ARID3B: variants seen among roughly 807,000 people sequenced by gnomAD.
ARID3B encodes the protein AT-rich interaction domain 3B, also known as AT-rich interactive domain-containing protein 3B.
ARID3B carries 10 observed loss-of-function variants against 51.9 expected under a neutral mutation model. The ratio of observed to expected loss-of-function variants is 0.19; its 90% CI spans 0.12 to 0.33. The LOEUF (loss-of-function observed/expected upper bound fraction) is 0.33. Among genes scored for constraint, ARID3B ranks in the 10% least tolerant of loss-of-function variants. The pLI is 1.00. For missense variants in ARID3B, 483 were observed against 716.3 expected (o/e 0.67, Z 3.72); for synonymous variants, 205 against 279.5 (o/e 0.73, Z 2.66).
At chr15:74,593,603 C>A (rs2061812340) in intron 8 of ARID3B, among the ~76,000 whole-genome samples, 1 of 133,542 alleles carries the variant, frequency 7.5e-6, no homozygotes, top group African/African-American at 2.6e-5. Context: ...GGCAAAGGAA[C>A]CCCAGTATAG....
intron 7 of ARID3B, among the ~76,000 whole-genome samples, chr15:74,592,930 G>C (rs1203083214): frequency 6.6e-6 from 1 of 152,236 alleles, no homozygotes; most frequent in African/African-American, 2.4e-5. Flanking sequence ...AGGTAGTTGA[G>C]GGGATGAACT....
chr15:74,560,283 T>G (rs767458023), intron 2 of ARID3B, among the ~76,000 whole-genome samples: 85 of 152,184 alleles, frequency 5.6e-4, no homozygotes, highest in Non-Finnish European at 1.0e-3. Flanking sequence ...AGTATTACTT[T>G]AAAATATTTT....
chr15:74,553,997 A>AT (rs955744293), intron 2 of ARID3B, among the ~76,000 whole-genome samples: 4 of 146,818 alleles, frequency 2.7e-5, no homozygotes, highest in Admixed American at 6.7e-5. Flanking sequence ...CTAATTTTGT[A>AT]TTTTTTTTGT....
chr15:74,559,918 G>C (rs952422354), intron 2 of ARID3B, among the ~76,000 whole-genome samples: 1 of 150,964 alleles, frequency 6.6e-6, no homozygotes, highest in Non-Finnish European at 1.5e-5. Flanking sequence ...TACAGGCTGG[G>C]TGCCGTGGCT....
rs758719943 is a variant in ARID3B at position 74,544,458 on chromosome 15, G to A, written c.522G>A (p.Pro174=). 9 of 1,614,000 alleles carry A rather than the reference G, an allele frequency of 5.6e-6. No homozygotes were observed. The highest frequency in any genetic ancestry group is 3.3e-5 in the South Asian group (3 of 91,066). Residue 174 remains proline (P), a synonymous_variant, in exon 2 of 9, where the codon CCG becomes CCA. Transcript: ENST00000346246. ...ASPSVSTAGQ[P]NWNLDEQLKQ... is the part of the protein sequence containing the mutation. ...CTTCTGTCTCCACAGCAGGACAGCC[G>A]AACTGGAATCTGGATGAGCAGCTCA...
Position 74,582,202 on chromosome 15 carries a change from C to G in ARID3B, c.698-7618C>G, listed in dbSNP as rs1256813459. Among the ~76,000 whole-genome samples, 3 of 151,360 alleles carry G rather than the reference C, an allele frequency of 2.0e-5. No homozygotes were observed. In the East Asian group the frequency reaches 5.8e-4, roughly 29 times the overall value. ...TTTTTTTTTGAGACAGAGTCTCACT[C>G]TGTCGCCCAGGCTGGAGTGCAGTGG... On this transcript the variant is annotated intron_variant, in intron 4 of 8. Transcript: ENST00000346246.
intron 4 of ARID3B, among the ~76,000 whole-genome samples, chr15:74,585,934 C>T (rs1442757036): frequency 6.6e-6 from 1 of 152,262 alleles, no homozygotes; most frequent in Non-Finnish European, 1.5e-5. Flanking sequence ...TCTAGAGAGC[C>T]CTCGGCATAG....
rs754135975 is a variant in ARID3B, at chr15:74,543,931, G to T, written c.-6G>T. 1.2e-6 allele frequency: 2 copies of T among 1,605,622 alleles called. No homozygotes were observed. Among genetic ancestry groups the T allele is most frequent in the South Asian group, 2.2e-5 (2 of 89,378 alleles). Reference sequence around the variant, plus strand: ...TGCCACTCTGTGGGTGAAGCTTGAGGCAAAAATGGAGCCACTTCAGCAGCA... The same window carrying T: ...TGCCACTCTGTGGGTGAAGCTTGAGTCAAAAATGGAGCCACTTCAGCAGCA... On this transcript the variant is annotated 5_prime_UTR_variant, in exon 2 of 9. Coordinates refer to ENST00000346246, the MANE Select transcript of ARID3B (RefSeq NM_006465.4).
chr15:74,576,064 C>T (rs1295100388), intron 4 of ARID3B, among the ~76,000 whole-genome samples: 1 of 152,126 alleles, frequency 6.6e-6, no homozygotes, highest in Non-Finnish European at 1.5e-5. Context: ...GCCTGGCTAA[C>T]TTTTTTGTTC....
At chr15:74,547,269 G>A (rs749636470) in intron 2 of ARID3B, among the ~76,000 whole-genome samples, 1 of 151,126 alleles carries the variant, frequency 6.6e-6, no homozygotes, top group South Asian at 2.1e-4. Flanking sequence ...AGTGATTTTC[G>A]TGCCTCACCC....
intron 2 of ARID3B, among the ~76,000 whole-genome samples, chr15:74,570,258 TG>T (rs1596257549): frequency 6.6e-6 from 1 of 152,108 alleles, no homozygotes; most frequent in East Asian, 1.9e-4. Flanking sequence ...TCTCCATGTG[TG>T]GAGCCGAGCG....
At chr15:74,587,670 G>A (rs1412506131) in intron 4 of ARID3B, among the ~76,000 whole-genome samples, 1 of 152,132 alleles carries the variant, frequency 6.6e-6, no homozygotes, top group African/African-American at 2.4e-5. Flanking sequence ...CCATGGGTGT[G>A]TTTGGGCAGA....
Position 74,544,474 on chromosome 15 carries a change from G to A in ARID3B, c.538G>A (p.Glu180Lys), listed in dbSNP as rs554192034. 1.1e-5 allele frequency: 18 copies of A among 1,613,828 alleles called. No individual in the cohort carries two copies. In the East Asian group the frequency reaches 2.9e-4, roughly 26 times the overall value. ...AGGACAGCCGAACTGGAATCTGGAT[G>A]AGCAGCTCAAGCAGGTCAGTCTTTC... is the stretch of plus-strand genomic sequence containing the variant. ...TAGQPNWNLDEQLKQNGGLAW... is the reference protein window; with the variant it reads ...TAGQPNWNLDKQLKQNGGLAW... Residue 180 changes from glutamate to lysine, a missense_variant, in exon 2 of 9, where the codon GAG (glutamate) becomes AAG (lysine). Coordinates refer to ENST00000346246, the MANE Select transcript of ARID3B (RefSeq NM_006465.4).
At position 74,597,912 on chromosome 15, in the gene ARID3B, TCCCCTGAAGGTGC is replaced by T. The variant is rs779618761; in HGVS notation, c.*2140_*2152del. On this transcript the variant is annotated 3_prime_UTR_variant, in exon 9 of 9. Transcript: ENST00000346246. ...GTGGGGCCTTGGCCCAAGCAGAGCT[TCCCCTGAAGGTGC>T]CATCAGCCAGGGCAGCTCTGTCCCC... 2 of 530,116 alleles carry T rather than the reference TCCCCTGAAGGTGC, an allele frequency of 3.8e-6. No homozygotes were observed. The highest frequency in any genetic ancestry group is 1.5e-5 in the South Asian group (1 of 65,122). The allele number at this position is 530,116 out of a possible 1,614,324, so 32.8% of individuals were successfully genotyped here.
At chr15:74,579,684 T>C (rs976091421) in intron 4 of ARID3B, among the ~76,000 whole-genome samples, 2 of 152,134 alleles carry the variant, frequency 1.3e-5, no homozygotes, top group Non-Finnish European at 2.9e-5. Context: ...GTGTAATATA[T>C]TTCCTCTTTT....
intron 2 of ARID3B, among the ~76,000 whole-genome samples, chr15:74,556,014 G>T (rs1042516345): frequency 3.3e-5 from 5 of 151,102 alleles, no homozygotes; most frequent in African/African-American, 4.9e-5. Context: ...GGATGGTCTC[G>T]ATCTCCTGAC....
At chr15:74,587,068 T>C (rs1005976829) in intron 4 of ARID3B, among the ~76,000 whole-genome samples, 2 of 152,226 alleles carry the variant, frequency 1.3e-5, no homozygotes, top group Admixed American at 6.5e-5. Context: ...ACATGTGATC[T>C]TCTAAGGGAG....
intron 2 of ARID3B, among the ~76,000 whole-genome samples, chr15:74,555,479 G>T (rs1223576467): frequency 6.6e-6 from 1 of 152,024 alleles, no homozygotes; most frequent in East Asian, 1.9e-4. Flanking sequence ...ACGGGCATGT[G>T]TCACCATGCC....
chr15:74,573,495 T>C (rs2061726552), intron 4 of ARID3B: 2 of 433,664 alleles, frequency 4.6e-6, no homozygotes, highest in Non-Finnish European at 8.5e-6. Context: ...AAATATGCCT[T>C]TTTTAAGCCT....
Sources: allele counts gnomAD v4.1 joint callset (sites outside exome capture counted in the v4.1 genomes callset), GRCh38; gene constraint gnomAD v4.1.1; transcripts MANE v1.5; gene names NCBI Gene and HGNC (gene_info 2026-07-23, HGNC 2026-07-21).